The following RNFT2 variants were observed in gnomAD, a reference collection of about 807,000 sequenced individuals.
RNFT2 encodes E3 ubiquitin-protein ligase RNFT2.
Under a neutral mutation model 53.0 loss-of-function variants are expected in RNFT2, and 36 were observed. The ratio of observed to expected loss-of-function variants is 0.68; its 90% CI spans 0.52 to 0.90. The LOEUF (loss-of-function observed/expected upper bound fraction) is 0.90. Ranked by LOEUF, RNFT2 falls within the 40% of genes least tolerant of loss-of-function variation. The pLI is 0.00. For missense variants in RNFT2, 514 were observed against 585.6 expected (o/e 0.88, Z 1.26); for synonymous variants, 260 against 253.2 (o/e 1.03, Z -0.26).
At chr12:116,816,408 G>T (rs1468544765) in intron 7 of RNFT2, among the ~76,000 whole-genome samples, 1 of 152,146 alleles carries the variant, frequency 6.6e-6, no homozygotes, top group African/African-American at 2.4e-5. Context: ...CAAGGACTCT[G>T]CCAGCTGGCC....
chr12:116,773,208 C>T (rs1873278905), intron 6 of RNFT2, among the ~76,000 whole-genome samples: 1 of 152,002 alleles, frequency 6.6e-6, no homozygotes, highest in Non-Finnish European at 1.5e-5. Flanking sequence ...GTGATCTGCC[C>T]GCCTTGGCCT....
chr12:116,846,391 C>T (rs1249159944), intron 10 of RNFT2, among the ~76,000 whole-genome samples: 1 of 150,364 alleles, frequency 6.7e-6, no homozygotes, highest in Non-Finnish European at 1.5e-5. Flanking sequence ...CCCACCACTT[C>T]AGCCTCCCAA....
intron 4 of RNFT2, among the ~76,000 whole-genome samples, chr12:116,750,908 A>ATATATATATATAT (rs869162316): frequency 1.4e-5 from 1 of 70,026 alleles, no homozygotes; most frequent in Non-Finnish European, 2.9e-5. Context: ...ATATATATAT[A>ATATATATATATAT]TTTTTTTTTG....
At chr12:116,740,183 TA>T (rs368519851) in intron 1 of RNFT2, among the ~76,000 whole-genome samples, 161 bp from the exon 2 acceptor site, 229 of 143,342 alleles carry the variant, frequency 1.6e-3, no homozygotes, top group Middle Eastern at 7.2e-3. Context: ...CACTCCGTCT[TA>T]AAAAAAAAAA....
chr12:116,841,870 A>AAAAT (rs1555210429), intron 10 of RNFT2, among the ~76,000 whole-genome samples: 4 of 25,786 alleles, frequency 1.6e-4, no homozygotes, highest in African/African-American at 4.4e-4. Context: ...TATATATATA[A>AAAAT]ATATATATAT....
At chr12:116,800,853 TAAAATA>T (rs562126180) in intron 7 of RNFT2, among the ~76,000 whole-genome samples, 1 of 148,404 alleles carries the variant, frequency 6.7e-6, no homozygotes, top group African/African-American at 2.6e-5. Flanking sequence ...TAAAATAAAA[TAAAATA>T]AAAACCATTT....
intron 7 of RNFT2, among the ~76,000 whole-genome samples, chr12:116,818,636 G>T (rs1875823352): frequency 6.6e-6 from 1 of 152,180 alleles, no homozygotes; most frequent in Non-Finnish European, 1.5e-5. Context: ...GAGAAGGGAG[G>T]GTGTATCGTC....
At chr12:116,844,206 G>C (rs1877496040) in intron 10 of RNFT2, among the ~76,000 whole-genome samples, 1 of 152,088 alleles carries the variant, frequency 6.6e-6, no homozygotes, top group South Asian at 2.1e-4. Context: ...ATATGTGCTT[G>C]TGTATTATGG....
At chr12:116,746,895 G>T (rs1049055509) in intron 3 of RNFT2, among the ~76,000 whole-genome samples, 9 of 152,100 alleles carry the variant, frequency 5.9e-5, no homozygotes, top group African/African-American at 2.2e-4. Flanking sequence ...GGGGGAATTG[G>T]TTCCAAGACC....
intron 10 of RNFT2, among the ~76,000 whole-genome samples, chr12:116,846,063 A>G (rs1877598346): frequency 6.6e-6 from 1 of 152,162 alleles, no homozygotes; most frequent in Non-Finnish European, 1.5e-5. Context: ...AATACCATGG[A>G]AATCTCCTTC....
intron 7 of RNFT2, among the ~76,000 whole-genome samples, chr12:116,808,897 G>C (rs1255313172): frequency 1.3e-5 from 2 of 152,120 alleles, no homozygotes. Flanking sequence ...TCGACCTCCA[G>C]GTTGAAAGAT....
intron 10 of RNFT2, among the ~76,000 whole-genome samples, chr12:116,842,762 C>T (rs1417466289): frequency 4.6e-5 from 7 of 152,020 alleles, no homozygotes; most frequent in Non-Finnish European, 7.4e-5. Context: ...TTAGTAGGGA[C>T]GGGGTTTCGC....
intron 10 of RNFT2, among the ~76,000 whole-genome samples, chr12:116,845,174 A>AT (rs1224519744): frequency 2.0e-5 from 3 of 150,116 alleles, no homozygotes; most frequent in Non-Finnish European, 4.4e-5. Context: ...AGCCCAGGAG[A>AT]TCAAGGCTGC....
chr12:116,786,672 A>C (rs1018045960), intron 7 of RNFT2, among the ~76,000 whole-genome samples: 1 of 152,202 alleles, frequency 6.6e-6, no homozygotes, highest in Non-Finnish European at 1.5e-5. Flanking sequence ...AAAAACTATT[A>C]GTTTCCTGTG....
At chr12:116,750,881 T>TG in intron 4 of RNFT2, among the ~76,000 whole-genome samples, 1 of 93,054 alleles carries the variant, frequency 1.1e-5, no homozygotes. Context: ...AATATATATA[T>TG]TATATATATA....
intron 3 of RNFT2, among the ~76,000 whole-genome samples, chr12:116,748,502 C>T (rs1261742020): frequency 1.3e-5 from 2 of 152,166 alleles, no homozygotes; most frequent in Non-Finnish European, 2.9e-5. Flanking sequence ...TTAACACCCC[C>T]ACCCCCAGAA....
chr12:116,744,374 A>G (rs1166071657), intron 3 of RNFT2, among the ~76,000 whole-genome samples: 1 of 152,130 alleles, frequency 6.6e-6, no homozygotes, highest in African/African-American at 2.4e-5. Flanking sequence ...GAACCATGAG[A>G]TCTCTTGCGG....
At chr12:116,753,323 G>C (rs1451628482) in intron 4 of RNFT2, among the ~76,000 whole-genome samples, 1 of 151,636 alleles carries the variant, frequency 6.6e-6, no homozygotes, top group Non-Finnish European at 1.5e-5. Context: ...GCTAATTTTT[G>C]TATTTTTACT....
chr12:116,840,922 C>G (rs1001210547), intron 10 of RNFT2, among the ~76,000 whole-genome samples: 2 of 149,110 alleles, frequency 1.3e-5, no homozygotes, highest in African/African-American at 2.4e-5. Flanking sequence ...GGGTATGTGT[C>G]TGTGTGTGTG....
Sources: gnomAD v4.1 joint callset for allele counts (sites outside exome capture counted in the v4.1 genomes callset) on GRCh38, gnomAD v4.1.1 for gene constraint, MANE v1.5 for transcripts, NCBI Gene and HGNC (gene_info 2026-07-23, HGNC 2026-07-21) for gene names.